CD96: variants seen among roughly 807,000 people sequenced by gnomAD.
CD96 encodes the protein CD96 molecule.
Under a neutral mutation model 71.3 loss-of-function variants are expected in CD96, and 70 were observed. That is an observed-to-expected ratio of 0.98 (90% CI 0.81 to 1.20). The LOEUF (loss-of-function observed/expected upper bound fraction) is 1.20. Ranked by LOEUF, CD96 falls within the 50% of genes most tolerant of loss-of-function variation. The pLI is 0.00. For synonymous variants in CD96, 248 were observed against 233.0 expected (o/e 1.06, Z -0.59); for missense variants, 742 against 677.5 (o/e 1.10, Z -1.06).
At chr3:111,589,967 AG>A (rs1936902379) in intron 5 of CD96, among the ~76,000 whole-genome samples, 1 of 152,228 alleles carries the variant, frequency 6.6e-6, no homozygotes, top group Non-Finnish European at 1.5e-5. Flanking sequence ...GTTCTTAGGA[AG>A]GTTAAATTTA....
chr3:111,662,371 C>T (rs1387589181), intron 14 of CD96, among the ~76,000 whole-genome samples: 2 of 152,218 alleles, frequency 1.3e-5, no homozygotes, highest in Non-Finnish European at 2.9e-5. Flanking sequence ...TTCAGCTCTT[C>T]TTTACTTATG....
chr3:111,638,139 C>A lies in CD96; in HGVS notation c.1448C>A (p.Ser483Tyr). The A allele has an allele frequency of 6.2e-7, 1 of 1,607,466 alleles. No individual in the cohort carries two copies. The highest frequency in any genetic ancestry group is 1.3e-5 in the African/African-American group (1 of 74,882). Residue 483 changes from serine to tyrosine, a missense_variant, in exon 12 of 14, where the codon TCT becomes TAT. Ser to Tyr is a moderately radical substitution (Grantham distance 144, BLOSUM62 -2). Coordinates refer to ENST00000352690, the MANE Select transcript of CD96 (RefSeq NM_005816.5). ...FSEVPTTANG[S>Y]TKTNHVHITG... ...GAAGTCCCCACAACTGCCAATGGAT[C>A]TACGAAAACTAATCACGTCCATATC...
intron 5 of CD96, among the ~76,000 whole-genome samples, chr3:111,590,796 A>T (rs1460164676): frequency 6.6e-6 from 1 of 152,222 alleles, no homozygotes; most frequent in Admixed American, 6.5e-5. Context: ...ATGATGTAGC[A>T]TAAGAAGGCA....
intron 5 of CD96, among the ~76,000 whole-genome samples, chr3:111,585,613 GA>G (rs146043774): frequency 2.7e-5 from 4 of 150,400 alleles, no homozygotes; most frequent in African/African-American, 4.9e-5. Flanking sequence ...AAATTTCTCA[GA>G]AAAAAAAATA....
intron 5 of CD96, chr3:111,593,694 G>T: frequency 6.2e-7 from 1 of 1,613,332 alleles, no homozygotes; most frequent in Middle Eastern, 1.7e-4. Flanking sequence ...GCCCTCTCCC[G>T]CCATTCCACT....
intron 1 of CD96, among the ~76,000 whole-genome samples, chr3:111,543,127 C>G (rs1934193602): frequency 6.6e-6 from 1 of 152,190 alleles, no homozygotes; most frequent in Non-Finnish European, 1.5e-5. Flanking sequence ...ACTTTTGCAT[C>G]CACAGAAGTA....
rs141120514 is a variant in CD96 at position 111,598,123 on chromosome 3, A to C, written c.811A>C (p.Arg271=). ...CCTTTTTCTGTCTTTACCCCAGAGA[A>C]GATTTACCTGCTTACTAAAGAATGT... ...NNSTDVLVER[R]FTCLLKNVFP... Residue 271 remains arginine (R), a synonymous_variant, in exon 6 of 14, where the codon AGA becomes CGA. Coordinates refer to ENST00000352690, the MANE Select transcript of CD96 (RefSeq NM_005816.5). 1 of 1,365,248 alleles carries C rather than the reference A, an allele frequency of 7.3e-7. No homozygotes were observed. 84.6% of individuals were successfully genotyped at this position (1,365,248 alleles called of 1,614,324 possible).
At chr3:111,592,178 C>A (rs1053393772) in intron 5 of CD96, among the ~76,000 whole-genome samples, 2 of 152,148 alleles carry the variant, frequency 1.3e-5, no homozygotes, top group African/African-American at 4.8e-5. Context: ...TCTTCTATAA[C>A]AAATATCAGG....
intron 8 of CD96, among the ~76,000 whole-genome samples, chr3:111,622,809 A>G (rs1427360660): frequency 6.6e-6 from 1 of 152,242 alleles, no homozygotes; most frequent in Non-Finnish European, 1.5e-5. Flanking sequence ...ATTCATAATA[A>G]TACTGTTTTT....
chr3:111,543,101 A>G (rs146055604), intron 1 of CD96, among the ~76,000 whole-genome samples: 1 of 152,350 alleles, frequency 6.6e-6, no homozygotes, highest in Non-Finnish European at 1.5e-5. Context: ...AAACTGTACT[A>G]ACCTCTGCCT....
chr3:111,552,738 G>A (rs896867255), intron 2 of CD96, among the ~76,000 whole-genome samples: 1 of 152,164 alleles, frequency 6.6e-6, no homozygotes, highest in Admixed American at 6.5e-5. Flanking sequence ...GAGGATAATA[G>A]CAGTGAATCA....
chr3:111,647,549 T>C lies in CD96; in HGVS notation c.1484T>C (p.Val495Ala), dbSNP rs1431750377. 1 of 1,612,402 alleles carries C rather than the reference T, an allele frequency of 6.2e-7. No homozygotes were observed. Among genetic ancestry groups the C allele is most frequent in the Non-Finnish European group, 8.5e-7 (1 of 1,178,632 alleles). The change falls in exon 13 of 14, where the codon GTG becomes GCG. Residue 495 changes from valine (V) to alanine (A), a missense_variant. By Grantham distance (64) the Val-to-Ala change is moderately conservative. Coordinates refer to ENST00000352690, the MANE Select transcript of CD96 (RefSeq NM_005816.5). ...TTCTTTATGCCCTTTTCAGGTATTG[T>C]GGTCAATAAGCCCAAAGATGGAATG... is the stretch of plus-strand genomic sequence containing the variant. ...KTNHVHITGI[V>A]VNKPKDGMSW... is the part of the protein sequence containing the mutation.
intron 2 of CD96, among the ~76,000 whole-genome samples, chr3:111,566,902 C>A (rs745677335): frequency 1.3e-5 from 2 of 152,072 alleles, no homozygotes; most frequent in Non-Finnish European, 1.5e-5. Flanking sequence ...TAACTGTGGA[C>A]ACATGTCATT....
chr3:111,590,224 A>C (rs1936913811), intron 5 of CD96, among the ~76,000 whole-genome samples: 1 of 152,210 alleles, frequency 6.6e-6, no homozygotes, highest in Admixed American at 6.5e-5. Flanking sequence ...ACTTCCTCAA[A>C]AGTAAATGAG....
rs7641242 is a variant in CD96, at chr3:111,571,565, G to T, written c.543+3918G>T. 8.6e-3 allele frequency among the ~76,000 whole-genome samples: 1,313 copies of T among 152,086 alleles called. 25 individuals are homozygous for T. The highest frequency in any genetic ancestry group is 0.029 in the African/African-American group (1,222 of 41,448). ...ATGAATGCCAGAGAGTGCATCTAAG[G>T]TCACACAGTGAGAGGGTGAATCTTA... On this transcript the variant is annotated intron_variant, in intron 3 of 13. Transcript: ENST00000352690.
rs1939414037 is a variant in CD96, at chr3:111,637,943, TTTACACATA to T, written c.1388-135_1388-127del. On this transcript the variant is annotated intron_variant, in intron 11 of 13. Coordinates refer to ENST00000352690, the MANE Select transcript of CD96 (RefSeq NM_005816.5). ...TGCTATAAATTGGTTCTTAATAAACTTTACACATAATATTTAAGGGATACTTAGACAATT... is the reference window on the plus strand; with the variant it reads ...TGCTATAAATTGGTTCTTAATAAACTATATTTAAGGGATACTTAGACAATT... The T allele has an allele frequency of 1.1e-5, 8 of 711,592 alleles. No individual in the cohort carries two copies. In the Admixed American group the frequency reaches 1.2e-4, roughly 10 times the overall value. 44.1% of individuals were successfully genotyped at this position (711,592 alleles called of 1,614,324 possible).
At chr3:111,656,643 T>C (rs1025325801), downstream of CD96, among the ~76,000 whole-genome samples, 1 of 152,006 alleles carries the variant, frequency 6.6e-6, no homozygotes, top group Non-Finnish European at 1.5e-5. Context: ...TAAAATGTAG[T>C]AAATACACAA....
At chr3:111,551,404 AT>A (rs1223302845) in intron 2 of CD96, among the ~76,000 whole-genome samples, 4 of 152,286 alleles carry the variant, frequency 2.6e-5, no homozygotes, top group African/African-American at 9.6e-5. Flanking sequence ...ACATAAAAAC[AT>A]TTTCAAAGAA....
At chr3:111,609,850 A>G (rs1331253808) in intron 8 of CD96, among the ~76,000 whole-genome samples, 1 of 152,130 alleles carries the variant, frequency 6.6e-6, no homozygotes, top group Non-Finnish European at 1.5e-5. Flanking sequence ...AACCAGGGTA[A>G]TTTTGCCACT....
Sources: allele counts gnomAD v4.1 joint callset (sites outside exome capture counted in the v4.1 genomes callset), GRCh38; gene constraint gnomAD v4.1.1; transcripts MANE v1.5; gene names NCBI Gene and HGNC (gene_info 2026-07-23, HGNC 2026-07-21).